Variants in ADGRV1 observed in about 807,000 individuals in gnomAD.
ADGRV1 encodes the protein adhesion G protein-coupled receptor V1, also known as G-protein coupled receptor 98.
ADGRV1 carries 359 observed loss-of-function variants against 596.2 expected under a neutral mutation model. The ratio of observed to expected loss-of-function variants is 0.60; its 90% CI spans 0.55 to 0.66. The LOEUF is 0.66. Ranked by LOEUF, ADGRV1 falls within the 30% of genes least tolerant of loss-of-function variation. The probability of loss-of-function intolerance (pLI) is 0.00; values close to 1 mark genes in which losing one functional copy is unlikely to be tolerated. For missense variants in ADGRV1, 7,274 were observed against 7,575.6 expected (o/e 0.96, Z 1.48); for synonymous variants, 2,681 against 2,679.2 (o/e 1.00, Z -0.02).
rs1752293928 is a variant in ADGRV1, at chr5:90,729,760, A to G, written c.10545A>G (p.Gly3515=). 6.2e-7 allele frequency: 1 copy of G among 1,613,452 alleles called. No individual in the cohort carries two copies. The highest frequency in any genetic ancestry group is 8.5e-7 in the Non-Finnish European group (1 of 1,179,584). ...TCCACTCCTTCACACCAGCCTCAGGAATAGGTAAGGACTTTTCAACTGCTC... is the reference window on the plus strand; with the variant it reads ...TCCACTCCTTCACACCAGCCTCAGGGATAGGTAAGGACTTTTCAACTGCTC... The part of the protein sequence containing the change: ...NRIHSFTPAS[G]IAHILLIGQD... Residue 3515 remains glycine (G), a synonymous_variant, in exon 50 of 90, where the codon GGA becomes GGG. Coordinates refer to ENST00000405460, the MANE Select transcript of ADGRV1 (RefSeq NM_032119.4).
In ADGRV1 at chr5:90,690,826, G is replaced by C; in HGVS notation, c.6736G>C (p.Glu2246Gln). Residue 2246 changes from glutamate to glutamine, a missense_variant, in exon 31 of 90, where the codon GAA becomes CAA. Physicochemically the swap from Glu to Gln is conservative, Grantham distance 29 (BLOSUM62 2). Coordinates refer to ENST00000405460, the MANE Select transcript of ADGRV1 (RefSeq NM_032119.4). ...TCAGATTACTAAACTTATTGTAGAGGAACCTGAGTTTAACTCAGTGAAGGT... is the reference window on the plus strand; with the variant it reads ...TCAGATTACTAAACTTATTGTAGAGCAACCTGAGTTTAACTCAGTGAAGGT... ...GFQITKLIVE[E>Q]PEFNSVKVNL... 6.3e-7 allele frequency: 1 copy of C among 1,599,626 alleles called. No individual in the cohort carries two copies. Among genetic ancestry groups the C allele is most frequent in the Non-Finnish European group, 8.5e-7 (1 of 1,172,026 alleles).
intron 74 of ADGRV1, among the ~76,000 whole-genome samples, chr5:90,814,671 C>T (rs1025090502): frequency 6.6e-6 from 1 of 152,132 alleles, no homozygotes; most frequent in African/African-American, 2.4e-5. Flanking sequence ...CCCCTTCCAC[C>T]GTGATTGTAA....
At position 90,653,216 on chromosome 5, in the gene ADGRV1, C is replaced by T. The variant is rs191558177; in HGVS notation, c.3642C>T (p.Ser1214=). 1 of 1,605,926 alleles carries T rather than the reference C, an allele frequency of 6.2e-7. No individual in the cohort carries two copies. The highest frequency in any genetic ancestry group is 2.2e-5 in the East Asian group (1 of 44,700). ...FLKLVNISGG[S]PGPGGQLAET... is the part of the protein sequence containing the mutation. ...TAAATTTTCTTGTTACAGGTGGATC[C>T]CCAGGTCCTGGGGGCCAGCTAGCAG... The change falls in exon 20 of 90, where the codon TCC becomes TCT. Residue 1214 remains serine (S), a synonymous_variant. Coordinates refer to ENST00000405460, the MANE Select transcript of ADGRV1 (RefSeq NM_032119.4).
At chr5:91,034,599 G>A (rs939872509) in intron 85 of ADGRV1, among the ~76,000 whole-genome samples, 2 of 152,118 alleles carry the variant, frequency 1.3e-5, no homozygotes, top group African/African-American at 4.8e-5. Flanking sequence ...ATGGAAACTT[G>A]TGCTTCGAAT....
In ADGRV1 at chr5:91,163,918, G is replaced by C. The variant is rs368671859; in HGVS notation, c.*18G>C. On this transcript the variant is annotated 3_prime_UTR_variant, in exon 90 of 90. Coordinates refer to ENST00000405460, the MANE Select transcript of ADGRV1 (RefSeq NM_032119.4). ...ACCTGTAGCACCTCACTAACCATTCGACTGAGCACACTTTCATATTTGTAT... is the reference window on the plus strand; with the variant it reads ...ACCTGTAGCACCTCACTAACCATTCCACTGAGCACACTTTCATATTTGTAT... 4.9e-4 allele frequency: 556 copies of C among 1,133,234 alleles called. 5 individuals carry two copies. In the South Asian group the frequency reaches 6.6e-3, roughly 14 times the overall value. 70.2% of individuals were successfully genotyped at this position (1,133,234 alleles called of 1,614,324 possible).
chr5:90,570,231 T>C (rs947510503), intron 1 of ADGRV1, among the ~76,000 whole-genome samples: 3 of 152,204 alleles, frequency 2.0e-5, no homozygotes, highest in African/African-American at 7.2e-5. Flanking sequence ...CCTTGGTTTA[T>C]TGTCTTTCAG....
chr5:90,689,923 G>C lies in ADGRV1; in HGVS notation c.6553G>C (p.Val2185Leu), dbSNP rs764238043. The change falls in exon 30 of 90, where the codon GTG becomes CTG. Residue 2185 changes from valine (V) to leucine (L), a missense_variant. Physicochemically the swap from Val to Leu is conservative, Grantham distance 32. This residue lies in a region of ADGRV1 where 3,643 missense variants were observed against 3,809.2 expected (regional missense o/e 0.96). Coordinates refer to ENST00000405460, the MANE Select transcript of ADGRV1 (RefSeq NM_032119.4). ...VLLEGETSKA[V>L]PIYVINDIYP... Reference sequence around the variant, plus strand: ...GCTAGAAGGGGAAACCAGTAAAGCCGTGCCAATATATGTCATTAATGATAT... The same window carrying C: ...GCTAGAAGGGGAAACCAGTAAAGCCCTGCCAATATATGTCATTAATGATAT... The C allele has an allele frequency of 8.1e-6, 13 of 1,613,214 alleles. No homozygotes were observed. Among genetic ancestry groups the C allele is most frequent in the Non-Finnish European group, 1.0e-5 (12 of 1,179,492 alleles).
chr5:90,966,708 T>C (rs1003556907), intron 84 of ADGRV1, among the ~76,000 whole-genome samples: 3 of 151,970 alleles, frequency 2.0e-5, no homozygotes, highest in African/African-American at 2.4e-5. Context: ...GGGGGAGAAA[T>C]TTCAATTTTC....
intron 84 of ADGRV1, among the ~76,000 whole-genome samples, chr5:90,977,433 A>G (rs1439202279): frequency 6.6e-6 from 1 of 152,228 alleles, no homozygotes; most frequent in Admixed American, 6.5e-5. Context: ...CAACTATTAA[A>G]CAACAGTCAG....
At chr5:90,960,810 G>A (rs749828296) in intron 83 of ADGRV1, among the ~76,000 whole-genome samples, 1 of 152,166 alleles carries the variant, frequency 6.6e-6, no homozygotes, top group Non-Finnish European at 1.5e-5. Context: ...AAGACATGAA[G>A]AAGTATGTTT....
chr5:90,631,514 A>G (rs1353370191), intron 9 of ADGRV1, among the ~76,000 whole-genome samples: 2 of 152,260 alleles, frequency 1.3e-5, no homozygotes, highest in Non-Finnish European at 1.5e-5. Context: ...GCCCTACACT[A>G]ATGGCAGTAG....
intron 79 of ADGRV1, 85 bp from the exon 80 acceptor site, chr5:90,853,199 A>C: frequency 7.8e-7 from 1 of 1,278,992 alleles, no homozygotes; most frequent in East Asian, 2.3e-5. Context: ...ATAGAATCCA[A>C]GTGTAATGCA....
At chr5:90,997,240 G>A (rs144645923) in intron 85 of ADGRV1, among the ~76,000 whole-genome samples, 434 of 152,264 alleles carry the variant, frequency 2.9e-3, no homozygotes, top group Middle Eastern at 6.8e-3. Flanking sequence ...AGTGTTGGAG[G>A]TGGGGCCTAG....
At chr5:90,777,881 A>T in intron 61 of ADGRV1, 24 bp from the exon 62 acceptor site, 1 of 1,580,726 alleles carries the variant, frequency 6.3e-7, no homozygotes, top group Non-Finnish European at 8.6e-7. Flanking sequence ...AATGTATTGG[A>T]TATACATTTG....
At chr5:91,115,726 C>G (rs1215857484) in intron 87 of ADGRV1, among the ~76,000 whole-genome samples, 2 of 152,160 alleles carry the variant, frequency 1.3e-5, no homozygotes, top group Non-Finnish European at 2.9e-5. Context: ...GTGGGCAGAT[C>G]ACTTGAGGTC....
Position 90,965,415 on chromosome 5 carries a change from A to G in ADGRV1, c.17857A>G (p.Ile5953Val). The G allele has an allele frequency of 6.3e-7, 1 of 1,593,966 alleles. No homozygotes were observed. Among genetic ancestry groups the G allele is most frequent in the Non-Finnish European group, 8.6e-7 (1 of 1,161,716 alleles). The change falls in exon 84 of 90, where the codon ATT (isoleucine) becomes GTT (valine). Residue 5953 changes from isoleucine (I) to valine (V), a missense_variant and splice_region_variant. Ile to Val is a conservative substitution (Grantham distance 29, BLOSUM62 3). Coordinates refer to ENST00000405460, the MANE Select transcript of ADGRV1 (RefSeq NM_032119.4). ...AAATAGAAGTATCTGTTTCTTACAG[A>G]TTCTGTTTCTGGCGTCTGCATACGC... Reference protein sequence around the residue: ...HMMAASLGTQILFLASAYASP... With the variant: ...HMMAASLGTQVLFLASAYASP...
intron 83 of ADGRV1, among the ~76,000 whole-genome samples, chr5:90,914,627 A>C (rs775980392): frequency 2.6e-5 from 4 of 152,170 alleles, no homozygotes; most frequent in Non-Finnish European, 4.4e-5. Flanking sequence ...CTAATCTTTA[A>C]TTAATAAAAG....
At chr5:91,063,036 G>A (rs144897896) in intron 85 of ADGRV1, among the ~76,000 whole-genome samples, 2,336 of 136,724 alleles carry the variant, frequency 0.017, 71 homozygotes, top group African/African-American at 0.061. Context: ...TTGGCTCACT[G>A]CAACCTCCAC....
chr5:91,098,505 C>CA (rs1318911370), intron 86 of ADGRV1, among the ~76,000 whole-genome samples: 1 of 152,198 alleles, frequency 6.6e-6, no homozygotes, highest in East Asian at 1.9e-4. Flanking sequence ...TTCAGGCCCA[C>CA]AAAATCTGGA....
Sources: allele counts gnomAD v4.1 joint callset (sites outside exome capture counted in the v4.1 genomes callset), GRCh38; gene constraint gnomAD v4.1.1; regional missense constraint gnomAD v4.1.1; transcripts MANE v1.5; gene names NCBI Gene and HGNC (gene_info 2026-07-23, HGNC 2026-07-21).